The following PLXNA4 variants were observed in gnomAD, a reference collection of about 807,000 sequenced individuals.
PLXNA4 encodes plexin-A4.
In PLXNA4, 44 loss-of-function variants were observed where a neutral mutation model predicts 191.8. The observed-to-expected ratio is 0.23, with a 90% CI of 0.18 to 0.29. The LOEUF is 0.29. PLXNA4 is among the 10% of genes least tolerant of loss of function. The pLI, the probability that PLXNA4 is intolerant of heterozygous loss-of-function variation, is 1.00. For synonymous variants in PLXNA4, 1,082 were observed against 1,009.5 expected (o/e 1.07, Z -1.36); for missense variants, 1,800 against 2,488.8 (o/e 0.72, Z 5.89).
intron 3 of PLXNA4, among the ~76,000 whole-genome samples, chr7:132,396,067 G>T (rs564833699): frequency 1.6e-4 from 25 of 152,306 alleles, no homozygotes; most frequent in African/African-American, 5.5e-4. Flanking sequence ...CTGAACAAAA[G>T]TAGGGGTAAG....
At position 132,306,656 on chromosome 7, in the gene PLXNA4, C is replaced by T. The variant is rs189468998; in HGVS notation, c.1372-8434G>A. Among the ~76,000 whole-genome samples, 1,032 of 152,230 alleles carry T rather than the reference C, an allele frequency of 6.8e-3. 6 individuals are homozygous for T. The highest frequency in any genetic ancestry group is 0.011 in the Non-Finnish European group (730 of 68,006). On this transcript the variant is annotated intron_variant, in intron 3 of 31. Coordinates refer to ENST00000321063, the MANE Select transcript of PLXNA4 (RefSeq NM_020911.2). ...CAGAATCAGGCACAGGGTAAGTACT[C>T]GTTGAATGAATGAATGAATGGCCTG...
At chr7:132,401,080 T>C (rs764391397) in intron 3 of PLXNA4, among the ~76,000 whole-genome samples, 1 of 151,506 alleles carries the variant, frequency 6.6e-6, no homozygotes, top group South Asian at 2.1e-4. Context: ...GGCTGGCACA[T>C]ATCTACACAT....
At chr7:132,449,788 A>G (rs909642266) in intron 3 of PLXNA4, among the ~76,000 whole-genome samples, 4 of 152,222 alleles carry the variant, frequency 2.6e-5, no homozygotes, top group African/African-American at 9.6e-5. Context: ...ATCCTCCCCA[A>G]CCTAGTGGCA....
chr7:132,480,809 GC>G (rs1797304515), intron 3 of PLXNA4, among the ~76,000 whole-genome samples: 1 of 152,178 alleles, frequency 6.6e-6, no homozygotes, highest in Non-Finnish European at 1.5e-5. Context: ...GAAGGAAATT[GC>G]CCGTGGAGGC....
rs184030818 is a variant in PLXNA4 at position 132,447,135 on chromosome 7, G to A, written c.1371+42157C>T. ...GCTCCACTGCCTAACTGACATTTCC[G>A]GTTGATTTCACCTTAGAGGCTTGCA... On this transcript the variant is annotated intron_variant, in intron 3 of 31. Coordinates refer to ENST00000321063, the MANE Select transcript of PLXNA4 (RefSeq NM_020911.2). Among the ~76,000 whole-genome samples the A allele has an allele frequency of 7.2e-5, 11 of 152,196 alleles. No individual in the cohort carries two copies. In the East Asian group the frequency reaches 1.5e-3, roughly 21 times the overall value.
Position 132,132,688 on chromosome 7 carries a change from C to T in PLXNA4, c.5589+361G>A, listed in dbSNP as rs567709835. On this transcript the variant is annotated intron_variant, in intron 31 of 31. Transcript: ENST00000321063. ...CCATATCATACCATACAATGCCATA[C>T]CACATAGCCGGCCCATAGGAGTGAG... Among the ~76,000 whole-genome samples, 10 of 152,082 alleles carry T rather than the reference C, an allele frequency of 6.6e-5. No homozygotes were observed. The South Asian group carries it at 1.7e-3, about 25-fold the overall frequency.
intron 1 of PLXNA4, among the ~76,000 whole-genome samples, chr7:132,547,773 C>T (rs1260446996): frequency 6.6e-6 from 1 of 152,126 alleles, no homozygotes; most frequent in Non-Finnish European, 1.5e-5. Context: ...TCTGCGGAGG[C>T]AACAAGAGAG....
At chr7:132,563,997 T>TCTC (rs1261697088) in intron 1 of PLXNA4, among the ~76,000 whole-genome samples, 1 of 2,256 alleles carries the variant, frequency 4.4e-4, no homozygotes, top group Admixed American at 5.4e-3. Context: ...TCCTCCTCCT[T>TCTC]CTCCTCCTCC....
rs183058245 is a variant in PLXNA4, at chr7:132,595,284, A to G, written c.-87+50644T>C. The stretch of plus-strand genomic sequence containing the variant: ...TGATGCCCTTGTTGTCTATCTTTAA[A>G]CAGAGAAAGAAGGAGCATGGTATCC... On this transcript the variant is annotated intron_variant, in intron 2 of 4. Transcript: ENST00000378539. Among the ~76,000 whole-genome samples, 26 of 152,256 alleles carry G rather than the reference A, an allele frequency of 1.7e-4. No individual in the cohort carries two copies. The East Asian group carries it at 4.8e-3, about 28-fold the overall frequency.
chr7:132,443,538 G>A (rs759617667), intron 3 of PLXNA4, among the ~76,000 whole-genome samples: 16 of 152,080 alleles, frequency 1.1e-4, no homozygotes, highest in African/African-American at 1.4e-4. Flanking sequence ...AGCTGCCACC[G>A]GGCCTGTTGT....
chr7:132,376,322 A>G (rs968330346), intron 3 of PLXNA4, among the ~76,000 whole-genome samples: 1 of 152,176 alleles, frequency 6.6e-6, no homozygotes, highest in African/African-American at 2.4e-5. Context: ...GATACAGGGA[A>G]GGGAAGAAGA....
At chr7:132,322,597 G>A (rs1315629308) in intron 3 of PLXNA4, among the ~76,000 whole-genome samples, 1 of 152,282 alleles carries the variant, frequency 6.6e-6, no homozygotes, top group African/African-American at 2.4e-5. Flanking sequence ...ACATCCTGGT[G>A]CAATTTCAAC....
chr7:132,185,671 G>T (rs895710232), intron 15 of PLXNA4, among the ~76,000 whole-genome samples: 4 of 152,290 alleles, frequency 2.6e-5, no homozygotes, highest in African/African-American at 7.2e-5. Context: ...TTTCAAATAG[G>T]CCTCATCCCT....
At chr7:132,216,630 C>T (rs1269530379) in intron 9 of PLXNA4, among the ~76,000 whole-genome samples, 2 of 152,198 alleles carry the variant, frequency 1.3e-5, no homozygotes, top group South Asian at 2.1e-4. Context: ...CCATCCCCTT[C>T]CACATATTTT....
chr7:132,354,095 C>A (rs74448271), intron 3 of PLXNA4, among the ~76,000 whole-genome samples: 2,007 of 152,222 alleles, frequency 0.013, 39 homozygotes, highest in African/African-American at 0.046. Context: ...ATCAAAGGAG[C>A]AACTGTCCTG....
intron 17 of PLXNA4, 59 bp from the exon 18 acceptor site, chr7:132,181,679 G>T: frequency 1.9e-6 from 3 of 1,589,764 alleles, no homozygotes; most frequent in South Asian, 1.1e-5. Flanking sequence ...CACAGCCCCA[G>T]TGCACATAGT....
chr7:132,195,054 A>G, intron 13 of PLXNA4, among the ~76,000 whole-genome samples: 1 of 152,190 alleles, frequency 6.6e-6, no homozygotes, highest in Non-Finnish European at 1.5e-5. Context: ...ACATATACAC[A>G]TATATACGTA....
intron 4 of PLXNA4, among the ~76,000 whole-genome samples, chr7:132,285,479 C>G (rs1800650155): frequency 6.6e-6 from 1 of 152,162 alleles, no homozygotes; most frequent in South Asian, 2.1e-4. Context: ...CCTTCAAAAC[C>G]ATCGCATACG....
chr7:132,567,478 G>T (rs988080939), intron 1 of PLXNA4, among the ~76,000 whole-genome samples: 1 of 152,142 alleles, frequency 6.6e-6, no homozygotes, highest in African/African-American at 2.4e-5. Flanking sequence ...GGATTCATCT[G>T]AATCCTCTGG....
Sources: gnomAD v4.1 joint callset for allele counts (sites outside exome capture counted in the v4.1 genomes callset) on GRCh38, gnomAD v4.1.1 for gene constraint, MANE v1.5 for transcripts, NCBI Gene and HGNC (gene_info 2026-07-23, HGNC 2026-07-21) for gene names.